The following SYN3 variants were observed in gnomAD, a reference collection of about 807,000 sequenced individuals.
The protein encoded by SYN3 is synapsin-3.
Under a neutral mutation model 65.8 loss-of-function variants are expected in SYN3, and 35 were observed. That is an observed-to-expected ratio of 0.53 (90% CI 0.41 to 0.70). The LOEUF (loss-of-function observed/expected upper bound fraction) is 0.70. Among genes scored for constraint, SYN3 ranks in the 30% least tolerant of loss-of-function variants. The probability of loss-of-function intolerance (pLI) is 0.00; values close to 1 mark genes in which losing one functional copy is unlikely to be tolerated. For synonymous variants in SYN3, 270 were observed against 292.9 expected (o/e 0.92, Z 0.80); for missense variants, 680 against 749.0 (o/e 0.91, Z 1.08).
chr22:32,533,313 C>T (rs1002885412), intron 10 of SYN3, among the ~76,000 whole-genome samples: 3 of 152,114 alleles, frequency 2.0e-5, no homozygotes, highest in Non-Finnish European at 2.9e-5. Context: ...CCAGCCTGCA[C>T]ACCCCATGTC....
intron 6 of SYN3, among the ~76,000 whole-genome samples, chr22:32,717,872 T>C (rs574395018): frequency 1.1e-4 from 17 of 152,218 alleles, no homozygotes; most frequent in Non-Finnish European, 1.9e-4. Flanking sequence ...AGGCCTGGTA[T>C]GGCCTCACCC....
intron 6 of SYN3, chr22:32,859,737 T>G: frequency 3.6e-6 from 1 of 279,992 alleles, no homozygotes; most frequent in Non-Finnish European, 6.8e-6. Flanking sequence ...CCCACCCCTC[T>G]TGCTTCTTCC....
At chr22:32,516,849 A>G (rs2057786957) in intron 13 of SYN3, among the ~76,000 whole-genome samples, 1 of 152,338 alleles carries the variant, frequency 6.6e-6, no homozygotes, top group African/African-American at 2.4e-5. Flanking sequence ...GATAAGAAAT[A>G]GTTATTAACT....
At position 32,518,246 on chromosome 22, in the gene SYN3, CAG is replaced by C. The variant is rs1213024524; in HGVS notation, c.1405_1406del (p.Leu469GlufsTer49). 3 of 1,613,136 alleles carry C rather than the reference CAG, an allele frequency of 1.9e-6. No individual in the cohort carries two copies. The highest frequency in any genetic ancestry group is 2.5e-6 in the Non-Finnish European group (3 of 1,179,716). ...QRLSPQGQQP[L>X]SPQSGSPQQQ... ...GCTGTGGAGATCCGGACTGGGGGCT[CAG>C]GGGCTGCTGGCCTTGTGGGGAGAGC... On this transcript the variant is annotated frameshift_variant, in exon 13 of 14. Transcript: ENST00000358763. LOFTEE classifies it high-confidence loss of function.
intron 6 of SYN3, among the ~76,000 whole-genome samples, chr22:32,670,959 G>A (rs1475322759): frequency 1.3e-5 from 2 of 152,218 alleles, no homozygotes; most frequent in African/African-American, 4.8e-5. Context: ...AATAGCAAGA[G>A]CAATTCTATT....
chr22:32,631,354 T>C (rs906430905), intron 6 of SYN3, among the ~76,000 whole-genome samples: 1 of 150,854 alleles, frequency 6.6e-6, no homozygotes, highest in Non-Finnish European at 1.5e-5. Context: ...GGCCAGATGA[T>C]GTTTGAGATG....
chr22:32,660,218 C>T (rs2060197413), intron 6 of SYN3, among the ~76,000 whole-genome samples: 1 of 152,178 alleles, frequency 6.6e-6, no homozygotes, highest in African/African-American at 2.4e-5. Flanking sequence ...AAGTTCACCT[C>T]CTTAAAGGGA....
At position 33,058,263 on chromosome 22, in the gene SYN3, A is replaced by G. The variant is rs2054285457; in HGVS notation, c.-163+29T>C. ...CTCCCGGCTGTCAGAAACCCCACAA[A>G]GTCTACTTTGCGGCGCCGCGCCGCT... On this transcript the variant is annotated intron_variant, in intron 1 of 13. Transcript: ENST00000358763. The G allele has an allele frequency of 6.6e-5, 10 of 151,640 alleles. No homozygotes were observed. The South Asian group carries it at 2.1e-3, about 32-fold the overall frequency. 9.4% of individuals were successfully genotyped at this position (151,640 alleles called of 1,614,324 possible).
chr22:32,847,796 T>C (rs1054637538), intron 6 of SYN3, among the ~76,000 whole-genome samples: 3 of 152,230 alleles, frequency 2.0e-5, no homozygotes, highest in Admixed American at 6.5e-5. Context: ...ATAAGAAAGA[T>C]TGATAGGATC....
At chr22:32,707,896 T>C (rs2060901744) in intron 6 of SYN3, among the ~76,000 whole-genome samples, 1 of 152,168 alleles carries the variant, frequency 6.6e-6, no homozygotes, top group Non-Finnish European at 1.5e-5. Flanking sequence ...AAAATGGGCA[T>C]CACTGTGCCA....
At chr22:32,656,576 C>G (rs1252308770) in intron 6 of SYN3, among the ~76,000 whole-genome samples, 3 of 152,114 alleles carry the variant, frequency 2.0e-5, no homozygotes, top group African/African-American at 7.2e-5. Context: ...GATCGATAGT[C>G]AATGTTTAAC....
At chr22:32,602,325 A>G (rs1347612754) in intron 6 of SYN3, among the ~76,000 whole-genome samples, 2 of 152,172 alleles carry the variant, frequency 1.3e-5, no homozygotes, top group Non-Finnish European at 2.9e-5. Context: ...ACACGTATGC[A>G]CGGATATGGC....
chr22:32,931,560 A>AG lies in SYN3; in HGVS notation c.370-80dup, dbSNP rs1192067413. 17 of 934,346 alleles carry AG rather than the reference A, an allele frequency of 1.8e-5. No homozygotes were observed. In the African/African-American group the frequency reaches 2.7e-4, roughly 15 times the overall value. The allele number at this position is 934,346 out of a possible 1,614,324, so 57.9% of individuals were successfully genotyped here. On this transcript the variant is annotated intron_variant, in intron 3 of 13. Coordinates refer to ENST00000358763, the MANE Select transcript of SYN3 (RefSeq NM_003490.4). Reference sequence around the variant, plus strand: ...AACGGTTAACACATATTGGGTACTTAGAGGTACAAAGTACACCTTTAAAGC... The same window carrying AG: ...AACGGTTAACACATATTGGGTACTTAGGAGGTACAAAGTACACCTTTAAAGC...
chr22:32,987,522 C>T (rs909594448), intron 2 of SYN3, among the ~76,000 whole-genome samples: 7 of 152,182 alleles, frequency 4.6e-5, no homozygotes, highest in African/African-American at 1.7e-4. Flanking sequence ...ATGGTGCAGC[C>T]TCTCAGTCCT....
rs1008292437 is a variant in SYN3 at position 32,508,304 on chromosome 22, C to T, written c.*5388G>A. ...CTCCCGCACTGAGCACCTTGTGACC[C>T]CCGCCCCTGCCCACCAGAGAACAAC... On this transcript the variant is annotated 3_prime_UTR_variant, in exon 14 of 14. Coordinates refer to ENST00000358763, the MANE Select transcript of SYN3 (RefSeq NM_003490.4). Among the ~76,000 whole-genome samples the T allele has an allele frequency of 6.6e-6, 1 of 152,162 alleles. No individual in the cohort carries two copies. Among genetic ancestry groups the T allele is most frequent in the Non-Finnish European group, 1.5e-5 (1 of 68,026 alleles).
rs2059207919 is a variant in SYN3, at chr22:32,596,868, A to G, written c.712-132T>C. The G allele has an allele frequency of 3.3e-6, 3 of 898,646 alleles. No homozygotes were observed. In the South Asian group the frequency reaches 5.0e-5, roughly 15 times the overall value. 55.7% of individuals were successfully genotyped at this position (898,646 alleles called of 1,614,324 possible). A position where few individuals can be genotyped will look rare whatever the true frequency, so the allele number is the denominator to read the frequency against. On this transcript the variant is annotated intron_variant, in intron 6 of 13. Transcript: ENST00000358763. ...AATCCCCACAAGAATGCTTCGACAG[A>G]TGGTCACCCAGCCATGGCCCAAACA...
intron 4 of SYN3, among the ~76,000 whole-genome samples, chr22:32,884,229 G>C (rs922264406): frequency 6.6e-6 from 1 of 152,150 alleles, no homozygotes; most frequent in Non-Finnish European, 1.5e-5. Context: ...GAGAACTACT[G>C]GTTAAGGCCA....
chr22:32,781,401 G>C (rs1405569623), intron 6 of SYN3, among the ~76,000 whole-genome samples: 2 of 152,122 alleles, frequency 1.3e-5, no homozygotes, highest in Non-Finnish European at 2.9e-5. Flanking sequence ...TAGGGAGCAA[G>C]GCTATGTGGG....
At chr22:32,973,772 C>T (rs575765988) in intron 3 of SYN3, among the ~76,000 whole-genome samples, 1 of 152,290 alleles carries the variant, frequency 6.6e-6, no homozygotes, top group East Asian at 1.9e-4. Context: ...TCTTCATCTG[C>T]TAAAAGGGAC....
Sources: allele counts gnomAD v4.1 joint callset (sites outside exome capture counted in the v4.1 genomes callset), GRCh38; gene constraint gnomAD v4.1.1; transcripts MANE v1.5; gene names NCBI Gene and HGNC (gene_info 2026-07-23, HGNC 2026-07-21).